The following DPP10 variants were observed in gnomAD, a reference collection of about 807,000 sequenced individuals.
DPP10 encodes inactive dipeptidyl peptidase 10.
In DPP10, 33 loss-of-function variants were observed where a neutral mutation model predicts 120.9. The ratio of observed to expected loss-of-function variants is 0.27; its 90% CI spans 0.21 to 0.37. DPP10 has a LOEUF of 0.37. Among genes scored for constraint, DPP10 ranks in the 10% least tolerant of loss-of-function variants. The pLI is 1.00. For missense variants in DPP10, 816 were observed against 942.8 expected (o/e 0.87, Z 1.76); for synonymous variants, 337 against 326.1 (o/e 1.03, Z -0.36).
At chr2:115,616,708 C>T (rs2084532342) in intron 5 of DPP10, among the ~76,000 whole-genome samples, 1 of 152,226 alleles carries the variant, frequency 6.6e-6, no homozygotes, top group African/African-American at 2.4e-5. Context: ...CAGCAATACT[C>T]TTCTGGTTGA....
intron 21 of DPP10, among the ~76,000 whole-genome samples, chr2:115,819,076 C>T (rs1687551727): frequency 6.6e-6 from 1 of 152,138 alleles, no homozygotes; most frequent in Non-Finnish European, 1.5e-5. Flanking sequence ...TTAGGTTATG[C>T]TAACCTCATA....
chr2:115,189,371 C>T (rs1034360969), intron 1 of DPP10, among the ~76,000 whole-genome samples: 51 of 151,820 alleles, frequency 3.4e-4, no homozygotes, highest in African/African-American at 1.1e-3. Flanking sequence ...ACAGAGCAGG[C>T]GACAAGGGGT....
At chr2:114,652,627 G>A (rs1255775642) in intron 1 of DPP10, among the ~76,000 whole-genome samples, 2 of 152,136 alleles carry the variant, frequency 1.3e-5, no homozygotes, top group African/African-American at 2.4e-5. Flanking sequence ...CCTATCTGAA[G>A]GTGTGTTATA....
intron 3 of DPP10, among the ~76,000 whole-genome samples, chr2:115,421,808 T>C (rs1574794667): frequency 7.7e-6 from 1 of 129,286 alleles, no homozygotes; most frequent in African/African-American, 3.0e-5. Context: ...GAAGCAGAGG[T>C]TGCAGTGAGC....
intron 1 of DPP10, among the ~76,000 whole-genome samples, chr2:115,173,424 G>T (rs1192497272): frequency 6.6e-6 from 1 of 152,108 alleles, no homozygotes; most frequent in Non-Finnish European, 1.5e-5. Context: ...TAATTGTTAT[G>T]TAAACCTCAA....
At chr2:114,454,797 G>T (rs1375128133) in intron 1 of DPP10, among the ~76,000 whole-genome samples, 1 of 151,576 alleles carries the variant, frequency 6.6e-6, no homozygotes, top group Non-Finnish European at 1.5e-5. Flanking sequence ...ATGTATCTTT[G>T]TTATCCTATC....
At chr2:114,993,223 A>G (rs1237115362) in intron 1 of DPP10, among the ~76,000 whole-genome samples, 2 of 152,156 alleles carry the variant, frequency 1.3e-5, no homozygotes, top group African/African-American at 4.8e-5. Flanking sequence ...TACTCCTAGT[A>G]TTCCATTTGT....
chr2:115,306,221 C>A (rs190404046), intron 1 of DPP10, among the ~76,000 whole-genome samples: 25 of 152,006 alleles, frequency 1.6e-4, no homozygotes, highest in Admixed American at 1.1e-3. Flanking sequence ...AAAGGAAAGT[C>A]ATATCTGGCT....
At chr2:114,578,977 C>G (rs892847112) in intron 1 of DPP10, among the ~76,000 whole-genome samples, 5 of 151,956 alleles carry the variant, frequency 3.3e-5, no homozygotes, top group African/African-American at 9.7e-5. Flanking sequence ...CTTTTTTTGA[C>G]CTTTCGTCAT....
intron 1 of DPP10, among the ~76,000 whole-genome samples, chr2:115,027,126 G>A (rs1236031624): frequency 1.3e-5 from 2 of 151,954 alleles, no homozygotes. Context: ...TTTTCAGATT[G>A]CTTTTTGTTG....
At chr2:114,838,731 G>A (rs1345782291) in intron 1 of DPP10, among the ~76,000 whole-genome samples, 1 of 152,154 alleles carries the variant, frequency 6.6e-6, no homozygotes, top group East Asian at 1.9e-4. Flanking sequence ...GCATATTTGA[G>A]GGGTTACCAT....
At chr2:115,377,438 C>G (rs1308225090) in intron 3 of DPP10, among the ~76,000 whole-genome samples, 8 of 152,094 alleles carry the variant, frequency 5.3e-5, no homozygotes, top group South Asian at 2.1e-4. Context: ...GTTCATTGTA[C>G]ATTCTGGATA....
intron 4 of DPP10, among the ~76,000 whole-genome samples, chr2:115,513,908 C>G (rs2148849026): frequency 6.6e-6 from 1 of 152,044 alleles, no homozygotes; most frequent in African/African-American, 2.4e-5. Flanking sequence ...TTCATTTCAG[C>G]CTGAAGGACT....
At chr2:114,698,819 C>G (rs879249330) in intron 1 of DPP10, among the ~76,000 whole-genome samples, 1 of 152,000 alleles carries the variant, frequency 6.6e-6, no homozygotes, top group Admixed American at 6.6e-5. Flanking sequence ...TTGGTGCATT[C>G]AAATGAATAA....
intron 1 of DPP10, among the ~76,000 whole-genome samples, chr2:114,672,407 G>A (rs1698404927): frequency 6.6e-6 from 1 of 152,074 alleles, no homozygotes; most frequent in South Asian, 2.1e-4. Context: ...GAAGTGTTTG[G>A]GCAATAAATT....
chr2:115,069,247 A>G (rs943654352), intron 1 of DPP10, among the ~76,000 whole-genome samples: 2 of 152,000 alleles, frequency 1.3e-5, no homozygotes, highest in Admixed American at 1.3e-4. Flanking sequence ...AACTGTACAG[A>G]TCTTTTATCT....
chr2:114,556,667 C>A (rs1688339001), intron 1 of DPP10, among the ~76,000 whole-genome samples: 1 of 151,924 alleles, frequency 6.6e-6, no homozygotes, highest in Non-Finnish European at 1.5e-5. Flanking sequence ...ATGAGAGCAA[C>A]TAAAGAAAGT....
intron 3 of DPP10, among the ~76,000 whole-genome samples, chr2:115,489,851 G>T (rs1402793918): frequency 6.6e-6 from 1 of 152,014 alleles, no homozygotes; most frequent in Non-Finnish European, 1.5e-5. Flanking sequence ...GAGATTAGCT[G>T]ACAGTCTGAC....
rs771946321 is a variant in DPP10 at position 115,802,346 on chromosome 2, G to A, written c.1700+10990G>A. Among the ~76,000 whole-genome samples, 576 of 151,958 alleles carry A rather than the reference G, an allele frequency of 3.8e-3. 3 individuals are homozygous for A. The highest frequency in any genetic ancestry group is 0.013 in the African/African-American group (540 of 41,452). ...TCTTTTCTTCATTAGTCTTCCTAGC[G>A]GTCTATCAATTTTGTTGATCTTTTC... On this transcript the variant is annotated intron_variant, in intron 19 of 25. Transcript: ENST00000410059.
Sources: gnomAD v4.1 joint callset for allele counts (sites outside exome capture counted in the v4.1 genomes callset) on GRCh38, gnomAD v4.1.1 for gene constraint, MANE v1.5 for transcripts, NCBI Gene and HGNC (gene_info 2026-07-23, HGNC 2026-07-21) for gene names.